Variants in RGS6 observed in about 807,000 individuals in gnomAD.
RGS6 encodes regulator of G-protein signaling 6.
RGS6 carries 30 observed loss-of-function variants against 78.5 expected under a neutral mutation model. The ratio of observed to expected loss-of-function variants is 0.38; its 90% CI spans 0.29 to 0.52. The LOEUF (loss-of-function observed/expected upper bound fraction) is 0.52. RGS6 is among the 20% of genes least tolerant of loss of function. The pLI, the probability that RGS6 is intolerant of heterozygous loss-of-function variation, is 0.85. For synonymous variants in RGS6, 206 were observed against 206.0 expected, an observed-to-expected ratio of 1.00 and a Z score of 0.00; for missense variants, 495 against 609.7, an observed-to-expected ratio of 0.81 and a Z score of 1.98.
intron 3 of RGS6, among the ~76,000 whole-genome samples, chr14:72,413,614 G>T (rs1029911867): frequency 6.6e-6 from 1 of 152,188 alleles, no homozygotes; most frequent in African/African-American, 2.4e-5. Context: ...TTATTATGAT[G>T]TTAGCTGGTT....
At chr14:72,185,038 C>A (rs1567409200) in intron 2 of RGS6, among the ~76,000 whole-genome samples, 1 of 152,126 alleles carries the variant, frequency 6.6e-6, no homozygotes, top group Non-Finnish European at 1.5e-5. Flanking sequence ...CCCAAGAGCC[C>A]CTGGCAAACC....
At chr14:72,226,466 AAGAAAAACTTTTCT>A (rs2048146693) in intron 2 of RGS6, among the ~76,000 whole-genome samples, 1 of 152,204 alleles carries the variant, frequency 6.6e-6, no homozygotes, top group African/African-American at 2.4e-5. Flanking sequence ...TCTGGGAGAA[AAGAAAAACTTTTCT>A]ATTAGCTATG....
chr14:72,537,241 C>T lies in RGS6; in HGVS notation c.1368+966C>T, dbSNP rs530667473. Among the ~76,000 whole-genome samples the T allele has an allele frequency of 2.2e-4, 34 of 152,302 alleles. 1 individual carries two copies. The South Asian group carries it at 7.1e-3, about 32-fold the overall frequency. ...TCCCTCCTGGACTCCCAGCCCCAGG[C>T]CCTAAGCACGTGGTTGCCCATCACA... On this transcript the variant is annotated intron_variant, in intron 16 of 17. Transcript: ENST00000553525.
At chr14:72,433,916 A>C (rs540033273) in intron 3 of RGS6, among the ~76,000 whole-genome samples, 2 of 152,388 alleles carry the variant, frequency 1.3e-5, no homozygotes, top group South Asian at 4.1e-4. Flanking sequence ...AGTGCCTAGC[A>C]AATAGTAAGC....
intron 15 of RGS6, among the ~76,000 whole-genome samples, chr14:72,528,457 A>G (rs2097144255): frequency 6.6e-6 from 1 of 152,156 alleles, no homozygotes; most frequent in Non-Finnish European, 1.5e-5. Context: ...TCTGGCTAAG[A>G]CACTGGTGTG....
chr14:72,518,689 G>T (rs564900315), intron 15 of RGS6, 152 bp downstream of exon 15: 10 of 710,236 alleles, frequency 1.4e-5, no homozygotes, highest in Non-Finnish European at 2.3e-5. Flanking sequence ...TCAGATAGGC[G>T]CACAGCAAAA....
At chr14:72,540,815 G>T in intron 17 of RGS6, 2 of 985,368 alleles carry the variant, frequency 2.0e-6, no homozygotes, top group Non-Finnish European at 1.2e-6. Flanking sequence ...GTAAAGATGG[G>T]CTTCAGATTC....
intron 2 of RGS6, among the ~76,000 whole-genome samples, chr14:72,018,090 C>T (rs1026735893): frequency 2.4e-4 from 36 of 152,096 alleles, no homozygotes; most frequent in Admixed American, 6.5e-4. Flanking sequence ...CATGTCCCTG[C>T]AAAGGACATG....
At chr14:72,025,674 T>A (rs1222186515) in intron 2 of RGS6, among the ~76,000 whole-genome samples, 2 of 152,164 alleles carry the variant, frequency 1.3e-5, no homozygotes, top group African/African-American at 4.8e-5. Context: ...AACTTTCAAA[T>A]TAGTAATATA....
the RGS6 span, among the ~76,000 whole-genome samples, chr14:72,582,188 C>T: frequency 6.6e-6 from 1 of 152,188 alleles, no homozygotes; most frequent in African/African-American, 2.4e-5. Context: ...TCCTACCTCC[C>T]AATGCCACCA....
At chr14:72,071,147 T>G (rs1190142922) in intron 2 of RGS6, among the ~76,000 whole-genome samples, 2 of 152,088 alleles carry the variant, frequency 1.3e-5, no homozygotes, top group Non-Finnish European at 2.9e-5. Flanking sequence ...TTTTTAAACA[T>G]TATGTGAATT....
At chr14:72,179,775 G>A (rs554978146) in intron 2 of RGS6, among the ~76,000 whole-genome samples, 16 of 151,974 alleles carry the variant, frequency 1.1e-4, no homozygotes, top group African/African-American at 3.1e-4. Flanking sequence ...CCAGTGGGAT[G>A]GGCATCACCT....
intron 2 of RGS6, among the ~76,000 whole-genome samples, chr14:72,194,949 G>C (rs1342543640): frequency 6.6e-6 from 1 of 152,122 alleles, no homozygotes; most frequent in Non-Finnish European, 1.5e-5. Flanking sequence ...GCTCACACCT[G>C]TCAATCCCAG....
intron 3 of RGS6, among the ~76,000 whole-genome samples, chr14:72,400,453 C>G (rs914307629): frequency 6.6e-6 from 1 of 152,202 alleles, no homozygotes; most frequent in Non-Finnish European, 1.5e-5. Flanking sequence ...ATCATTCATT[C>G]ATTCAACCAG....
intron 2 of RGS6, among the ~76,000 whole-genome samples, chr14:72,289,057 T>C (rs764559483): frequency 2.0e-5 from 3 of 152,160 alleles, no homozygotes; most frequent in Non-Finnish European, 2.9e-5. Context: ...ATACAACATG[T>C]CTACAATAAA....
intron 2 of RGS6, among the ~76,000 whole-genome samples, chr14:72,136,500 A>G (rs2096444196): frequency 1.3e-5 from 2 of 152,194 alleles, no homozygotes; most frequent in Admixed American, 6.5e-5. Flanking sequence ...CACGTCTTAT[A>G]TGGCAGCAGG....
intron 2 of RGS6, among the ~76,000 whole-genome samples, chr14:72,031,981 C>T (rs906637409): frequency 2.0e-5 from 3 of 152,146 alleles, no homozygotes; most frequent in Non-Finnish European, 4.4e-5. Context: ...CACCATTCCT[C>T]CACACTGCTC....
At chr14:72,435,024 A>G (rs1331878644) in intron 3 of RGS6, among the ~76,000 whole-genome samples, 1 of 152,206 alleles carries the variant, frequency 6.6e-6, no homozygotes, top group Non-Finnish European at 1.5e-5. Context: ...TTCAAACTCA[A>G]AGCCCTGTTT....
intron 10 of RGS6, among the ~76,000 whole-genome samples, chr14:72,475,825 T>TACACGCACACACACACACACAC (rs1566938054): frequency 4.2e-5 from 4 of 96,126 alleles, no homozygotes; most frequent in Admixed American, 3.5e-4. Context: ...TAAAAAAAAA[T>TACACGCACACACACACACACAC]ACACGCACAC....
Sources: allele counts gnomAD v4.1 joint callset (sites outside exome capture counted in the v4.1 genomes callset), GRCh38; gene constraint gnomAD v4.1.1; transcripts MANE v1.5; gene names NCBI Gene and HGNC (gene_info 2026-07-23, HGNC 2026-07-21).